Variants in QKI observed in about 807,000 individuals in gnomAD.
The protein encoded by QKI is KH domain-containing RNA-binding protein QKI.
Under a neutral mutation model 39.0 loss-of-function variants are expected in QKI, and 10 were observed. The ratio of observed to expected loss-of-function variants is 0.26; its 90% CI spans 0.16 to 0.43. The LOEUF (loss-of-function observed/expected upper bound fraction) is 0.43, where lower values mean the gene tolerates loss of function less well. Among genes scored for constraint, QKI ranks in the 20% least tolerant of loss-of-function variants. QKI has a pLI of 1.00. For missense variants in QKI, 218 were observed against 428.0 expected (o/e 0.51, Z 4.33); for synonymous variants, 204 against 155.4 (o/e 1.31, Z -2.33).
chr6:163,478,492 C>G (rs1006505924), intron 2 of QKI, among the ~76,000 whole-genome samples: 5 of 152,162 alleles, frequency 3.3e-5, no homozygotes, highest in Non-Finnish European at 5.9e-5. Flanking sequence ...CTTTAATACT[C>G]TCTGTTTTAG....
chr6:163,432,269 C>T (rs1788892336), intron 1 of QKI, among the ~76,000 whole-genome samples: 2 of 152,166 alleles, frequency 1.3e-5, no homozygotes, highest in African/African-American at 4.8e-5. Context: ...GACAAAGGCT[C>T]TCCTAGGTAG....
intron 3 of QKI, among the ~76,000 whole-genome samples, chr6:163,482,360 A>T (rs1176383872): frequency 6.6e-6 from 1 of 152,152 alleles, no homozygotes; most frequent in Non-Finnish European, 1.5e-5. Context: ...GTGACCCCAG[A>T]TGTTGTAAGG....
At chr6:163,479,306 G>GT (rs1792881842) in intron 3 of QKI, among the ~76,000 whole-genome samples, 1 of 152,148 alleles carries the variant, frequency 6.6e-6, no homozygotes, top group African/African-American at 2.4e-5. Flanking sequence ...AACCCACTAT[G>GT]TTCCATGTCA....
Position 163,572,703 on chromosome 6 carries a change from C to G in QKI, c.*1993C>G, listed in dbSNP as rs1026872877. The G allele has an allele frequency of 2.3e-5, 3 of 130,362 alleles. 1 individual carries two copies. Among genetic ancestry groups the G allele is most frequent in the Non-Finnish European group, 4.8e-5 (3 of 62,506 alleles). 8.1% of individuals were successfully genotyped at this position (130,362 alleles called of 1,614,324 possible). On this transcript the variant is annotated 3_prime_UTR_variant, in exon 8 of 8. Transcript: ENST00000361752. ...CCCCGCCCAGCTTATCAACTCGTCC[C>G]CTCTTCCACACCTTCCCAGCATCAC...
chr6:163,470,480 C>G (rs1215066701), intron 2 of QKI, among the ~76,000 whole-genome samples: 1 of 151,988 alleles, frequency 6.6e-6, no homozygotes, highest in African/African-American at 2.4e-5. Context: ...TGTCTTTGGC[C>G]TTATATTATT....
intron 3 of QKI, among the ~76,000 whole-genome samples, chr6:163,504,055 A>G (rs1486882600): frequency 2.0e-5 from 3 of 151,758 alleles, no homozygotes; most frequent in Admixed American, 6.6e-5. Context: ...TAATTTTTGT[A>G]TATTGTGAAA....
At chr6:163,448,225 A>G (rs1039688512) in intron 1 of QKI, among the ~76,000 whole-genome samples, 23 of 152,114 alleles carry the variant, frequency 1.5e-4, no homozygotes, top group African/African-American at 5.6e-4. Context: ...AAGAGGAGTT[A>G]TGATTAATTT....
At chr6:163,478,008 T>G (rs1344014491) in intron 2 of QKI, among the ~76,000 whole-genome samples, 3 of 152,262 alleles carry the variant, frequency 2.0e-5, no homozygotes, top group Non-Finnish European at 4.4e-5. Flanking sequence ...TATTTTGGCC[T>G]TTATGCAGAT....
At chr6:163,450,405 C>T (rs962376492) in intron 1 of QKI, among the ~76,000 whole-genome samples, 1 of 152,014 alleles carries the variant, frequency 6.6e-6, no homozygotes, top group East Asian at 1.9e-4. Context: ...GCAGAGTGCA[C>T]GTACAATAAT....
chr6:163,473,935 C>G (rs959061230), intron 2 of QKI, among the ~76,000 whole-genome samples: 8 of 151,244 alleles, frequency 5.3e-5, no homozygotes, highest in Non-Finnish European at 1.0e-4. Context: ...AAAAAAAAAT[C>G]ACCAGAATGC....
intron 1 of QKI, among the ~76,000 whole-genome samples, chr6:163,454,621 C>T (rs993534356): frequency 6.6e-5 from 10 of 152,164 alleles, no homozygotes; most frequent in African/African-American, 2.4e-4. Flanking sequence ...CTGCCTACCT[C>T]CATTTCTTCT....
chr6:163,440,195 A>G (rs1789661747), intron 1 of QKI, among the ~76,000 whole-genome samples: 1 of 152,110 alleles, frequency 6.6e-6, no homozygotes, highest in South Asian at 2.1e-4. Context: ...TTTTCCCACT[A>G]TCATGATCAC....
intron 3 of QKI, among the ~76,000 whole-genome samples, chr6:163,518,639 T>C (rs1252684380): frequency 1.3e-5 from 2 of 151,974 alleles, no homozygotes; most frequent in Non-Finnish European, 2.9e-5. Flanking sequence ...TTAAAAAATA[T>C]TATATTTCAT....
intron 4 of QKI, among the ~76,000 whole-genome samples, chr6:163,556,372 C>T (rs1404714199): frequency 6.6e-6 from 1 of 151,674 alleles, no homozygotes; most frequent in Non-Finnish European, 1.5e-5. Context: ...ATTAGCTGGG[C>T]GTAGTGACAT....
At chr6:163,483,887 G>A (rs545467393) in intron 3 of QKI, among the ~76,000 whole-genome samples, 34 of 152,332 alleles carry the variant, frequency 2.2e-4, no homozygotes, top group Admixed American at 3.9e-4. Flanking sequence ...ATCACTGTCT[G>A]TGGCAGCTAT....
intron 1 of QKI, among the ~76,000 whole-genome samples, chr6:163,421,016 T>C (rs1041689005): frequency 2.6e-5 from 4 of 152,220 alleles, no homozygotes; most frequent in African/African-American, 9.6e-5. Flanking sequence ...TGTTGACATC[T>C]TACCTCCTTT....
chr6:163,474,494 A>G lies in QKI; in HGVS notation c.286-4286A>G, dbSNP rs1792433323. ...GGTTGATAGAAAAAAACCCAATTAT[A>G]TGTTCATATACCAGAAACAGAAAAT... On this transcript the variant is annotated intron_variant, in intron 2 of 7. Transcript: ENST00000361752. 2.6e-5 allele frequency among the ~76,000 whole-genome samples: 4 copies of G among 152,148 alleles called. No homozygotes were observed. The South Asian group carries it at 8.3e-4, about 31-fold the overall frequency.
At chr6:163,525,457 C>A (rs1377896880) in intron 3 of QKI, among the ~76,000 whole-genome samples, 2 of 152,048 alleles carry the variant, frequency 1.3e-5, no homozygotes, top group Non-Finnish European at 2.9e-5. Flanking sequence ...CTCCCGAATT[C>A]AAGCAGTTCT....
rs1456373257 is a variant in QKI at position 163,566,024 on chromosome 6, G to C, written c.935-697G>C. The stretch of plus-strand genomic sequence containing the variant: ...CTCATCAGATCTGAATTTAACAAAT[G>C]CTTAGTCTCAGCAGCCTCCGGGGGA... On this transcript the variant is annotated intron_variant, in intron 6 of 7. Coordinates refer to ENST00000361752, the MANE Select transcript of QKI (RefSeq NM_006775.3). The C allele has an allele frequency of 1.9e-6, 3 of 1,597,314 alleles. 1 individual carries two copies. In the African/African-American group the frequency reaches 4.0e-5, roughly 21 times the overall value.
Sources: allele counts gnomAD v4.1 joint callset (sites outside exome capture counted in the v4.1 genomes callset), GRCh38; gene constraint gnomAD v4.1.1; transcripts MANE v1.5; gene names NCBI Gene and HGNC (gene_info 2026-07-23, HGNC 2026-07-21).